The following FER variants were observed in gnomAD, a reference collection of about 807,000 sequenced individuals.
The protein encoded by FER is FER tyrosine kinase.
Under a neutral mutation model 111.0 loss-of-function variants are expected in FER, and 63 were observed. The observed-to-expected ratio is 0.57, with a 90% CI of 0.46 to 0.70. The LOEUF (loss-of-function observed/expected upper bound fraction) is 0.70. Among genes scored for constraint, FER ranks in the 30% least tolerant of loss-of-function variants. The pLI is 0.00. For missense variants in FER, 914 were observed against 954.0 expected, an observed-to-expected ratio of 0.96 and a Z score of 0.55; for synonymous variants, 327 against 313.9, an observed-to-expected ratio of 1.04 and a Z score of -0.44.
intron 17 of FER, among the ~76,000 whole-genome samples, chr5:109,174,209 T>C (rs1390391188): frequency 5.9e-5 from 9 of 152,122 alleles, no homozygotes; most frequent in Non-Finnish European, 1.0e-4. Context: ...AACAGTATGA[T>C]GAGTGGAAAA....
chr5:108,812,610 C>T (rs1326635120), intron 3 of FER, among the ~76,000 whole-genome samples: 1 of 152,032 alleles, frequency 6.6e-6, no homozygotes, highest in Non-Finnish European at 1.5e-5. Flanking sequence ...TTTGTTTTCT[C>T]CTTATCCTGT....
chr5:108,795,950 T>C (rs1755968903), intron 2 of FER, among the ~76,000 whole-genome samples: 1 of 152,206 alleles, frequency 6.6e-6, no homozygotes, highest in South Asian at 2.1e-4. Context: ...GTCTGTACAT[T>C]CGAGAGTTAG....
At chr5:108,866,966 C>A (rs1165809376) in intron 5 of FER, among the ~76,000 whole-genome samples, 1 of 152,150 alleles carries the variant, frequency 6.6e-6, no homozygotes, top group Non-Finnish European at 1.5e-5. Context: ...CAGACTTCTT[C>A]CACATGAAGT....
chr5:109,052,296 A>G (rs953844763), intron 16 of FER: 7 of 1,608,968 alleles, frequency 4.4e-6, no homozygotes, highest in African/African-American at 1.3e-5. Context: ...GCTGAGTGTT[A>G]CAACGAAAGG....
At chr5:108,968,266 A>G (rs1760167393) in intron 13 of FER, among the ~76,000 whole-genome samples, 1 of 152,176 alleles carries the variant, frequency 6.6e-6, no homozygotes, top group African/African-American at 2.4e-5. Context: ...GCATGCCTGT[A>G]ATCCCAACTA....
intron 13 of FER, among the ~76,000 whole-genome samples, chr5:109,028,782 A>T (rs889100580): frequency 2.0e-5 from 3 of 152,190 alleles, no homozygotes; most frequent in Non-Finnish European, 4.4e-5. Context: ...TTATAGCAGG[A>T]ATTGTATGGC....
intron 13 of FER, among the ~76,000 whole-genome samples, chr5:108,995,673 C>T (rs1349267083): frequency 6.6e-6 from 1 of 152,116 alleles, no homozygotes; most frequent in Non-Finnish European, 1.5e-5. Flanking sequence ...CATTGATGGG[C>T]ATTTGGGTTG....
chr5:109,179,865 A>AT, intron 17 of FER, among the ~76,000 whole-genome samples: 1 of 152,170 alleles, frequency 6.6e-6, no homozygotes, highest in East Asian at 1.9e-4. Flanking sequence ...ATCCCAAGGG[A>AT]TGGCTGTATA....
intron 1 of FER, chr5:108,748,898 T>A (rs962799901): frequency 2.3e-4 from 35 of 153,184 alleles, no homozygotes; most frequent in African/African-American, 6.3e-4. Flanking sequence ...GTTGCAGAGG[T>A]TCGTGACAGT....
intron 16 of FER, among the ~76,000 whole-genome samples, chr5:109,054,214 A>G (rs1773325176): frequency 6.6e-6 from 1 of 152,194 alleles, no homozygotes; most frequent in Non-Finnish European, 1.5e-5. Context: ...CTACCAAATT[A>G]CTTTCTAAAG....
chr5:108,829,413 A>G (rs1759804730), intron 3 of FER, among the ~76,000 whole-genome samples: 1 of 152,172 alleles, frequency 6.6e-6, no homozygotes, highest in African/African-American at 2.4e-5. Flanking sequence ...TGAGGTGGGA[A>G]GATCACTCAA....
chr5:109,007,353 C>G (rs1021906611), intron 13 of FER, among the ~76,000 whole-genome samples: 24 of 152,074 alleles, frequency 1.6e-4, no homozygotes, highest in African/African-American at 5.6e-4. Flanking sequence ...AAAATTAATT[C>G]TTTTTAGCAT....
At chr5:109,020,333 G>A (rs1437743914) in intron 13 of FER, among the ~76,000 whole-genome samples, 1 of 151,764 alleles carries the variant, frequency 6.6e-6, no homozygotes, top group Non-Finnish European at 1.5e-5. Flanking sequence ...ATATAATAAA[G>A]CATAAATTTG....
At chr5:108,846,954 G>A (rs1341610308) in intron 5 of FER, among the ~76,000 whole-genome samples, 1 of 151,868 alleles carries the variant, frequency 6.6e-6, no homozygotes, top group African/African-American at 2.4e-5. Context: ...TCTTCTCAAA[G>A]ACCAGCTTTT....
At chr5:108,796,831 T>C (rs1756081432) in intron 2 of FER, among the ~76,000 whole-genome samples, 1 of 152,042 alleles carries the variant, frequency 6.6e-6, no homozygotes, top group East Asian at 1.9e-4. Context: ...GGCCTGGAAT[T>C]GGGGGCCGTA....
chr5:109,104,335 T>C (rs1466286159), intron 17 of FER, among the ~76,000 whole-genome samples: 1 of 152,218 alleles, frequency 6.6e-6, no homozygotes, highest in Non-Finnish European at 1.5e-5. Context: ...AAATGAAGAT[T>C]ATAGTCACTG....
At chr5:108,883,872 G>A (rs889869923) in intron 9 of FER, among the ~76,000 whole-genome samples, 2 of 151,848 alleles carry the variant, frequency 1.3e-5, no homozygotes, top group South Asian at 2.1e-4. Context: ...TTAAGAAAGT[G>A]GCAGACCAAT....
chr5:109,106,199 CT>C (rs1344756000), intron 17 of FER, among the ~76,000 whole-genome samples: 2 of 152,236 alleles, frequency 1.3e-5, no homozygotes, highest in Admixed American at 1.3e-4. Context: ...CATCTGCACT[CT>C]GTAATGATCA....
intron 10 of FER, among the ~76,000 whole-genome samples, chr5:108,936,180 C>G (rs1011237519): frequency 1.3e-5 from 2 of 151,874 alleles, no homozygotes; most frequent in Non-Finnish European, 2.9e-5. Context: ...TCATTGGGAG[C>G]AAAGGGATTG....
Sources: allele counts gnomAD v4.1 joint callset (sites outside exome capture counted in the v4.1 genomes callset), GRCh38; gene constraint gnomAD v4.1.1; transcripts MANE v1.5; gene names NCBI Gene and HGNC (gene_info 2026-07-23, HGNC 2026-07-21).